HNRNPK: variants seen among roughly 807,000 people sequenced by gnomAD.
The protein encoded by HNRNPK is heterogeneous nuclear ribonucleoprotein K.
A neutral mutation model predicts 67.0 loss-of-function variants in HNRNPK; 7 were observed. The observed-to-expected ratio is 0.10, with a 90% CI of 0.06 to 0.20. The LOEUF is 0.20. Among genes scored for constraint, HNRNPK ranks in the 10% least tolerant of loss-of-function variants. The pLI, the probability that HNRNPK is intolerant of heterozygous loss-of-function variation, is 1.00. For synonymous variants in HNRNPK, 213 were observed against 193.7 expected, an observed-to-expected ratio of 1.10 and a Z score of -0.83; for missense variants, 264 against 606.5, an observed-to-expected ratio of 0.44 and a Z score of 5.93.
At chr9:83,974,683 G>A in intron 6 of HNRNPK, 94 bp from the exon 7 acceptor site, 5 of 756,172 alleles carry the variant, frequency 6.6e-6, no homozygotes, top group Non-Finnish European at 1.1e-5. Flanking sequence ...CTTTCACAGA[G>A]ATGTAACACA....
Position 83,971,687 on chromosome 9 carries a change from G to GTCTCCA in HNRNPK, c.987_992dup (p.Gly330_Asp331dup), listed in dbSNP as rs1956850991. The stretch of plus-strand genomic sequence containing the variant: ...AAGTTCTTACCATGCCGTCGTAACG[G>GTCTCCA]TCTCCAGGTCTCCCTCTTCTGTCAT... On this transcript the variant is annotated inframe_insertion, in exon 12 of 17. Coordinates refer to ENST00000376263, the MANE Select transcript of HNRNPK (RefSeq NM_031263.4). 1 of 1,613,664 alleles carries GTCTCCA rather than the reference G, an allele frequency of 6.2e-7. No individual in the cohort carries two copies. Among genetic ancestry groups the GTCTCCA allele is most frequent in the African/African-American group, 1.3e-5 (1 of 74,900 alleles).
At chr9:83,973,473 T>A in intron 8 of HNRNPK, 74 bp from the exon 9 acceptor site, 1 of 849,368 alleles carries the variant, frequency 1.2e-6, no homozygotes, top group Non-Finnish European at 2.0e-6. Flanking sequence ...GCTATAAGCA[T>A]AACAATAATA....
rs1247195870 is a variant in HNRNPK, at chr9:83,968,336, G to A, written c.*1071C>T. ...ATAATCCAACATACAACAGAGAAAT[G>A]GTACATCTTTTTCTTTCAATTTGCA... On this transcript the variant is annotated 3_prime_UTR_variant, in exon 17 of 17. Transcript: ENST00000376263. 7 of 151,274 alleles carry A rather than the reference G, an allele frequency of 4.6e-5. No homozygotes were observed. Among genetic ancestry groups the A allele is most frequent in the South Asian group, 2.1e-4 (1 of 4,776 alleles). 9.4% of individuals were successfully genotyped at this position (151,274 alleles called of 1,614,324 possible).
At chr9:83,970,528 G>T in intron 15 of HNRNPK, 197 bp from the exon 16 acceptor site, 1 of 640,328 alleles carries the variant, frequency 1.6e-6, no homozygotes, top group Non-Finnish European at 2.7e-6. Context: ...TTAGTTAAGG[G>T]CTCAAAACCT....
intron 16 of HNRNPK, 155 bp from the exon 17 acceptor site, chr9:83,969,595 T>C (rs193131307): frequency 1.1e-5 from 7 of 636,496 alleles, no homozygotes; most frequent in Non-Finnish European, 1.7e-5. Context: ...ATTAAAGCAA[T>C]GTTAAGTGTC....
chr9:83,970,671 A>T, intron 15 of HNRNPK, 66 bp downstream of exon 15: 1 of 1,078,650 alleles, frequency 9.3e-7, no homozygotes. Context: ...GAATTAAAAA[A>T]TATACAGAAA....
chr9:83,971,246 T>C (rs202103658), intron 13 of HNRNPK, 27 bp downstream of exon 13: 15 of 1,412,066 alleles, frequency 1.1e-5, no homozygotes, highest in South Asian at 2.3e-5. Context: ...ATCACTGATA[T>C]ACACACGAAC....
chr9:83,974,498 TA>T lies in HNRNPK; in HGVS notation c.330+18del, dbSNP rs565049217. 1.1e-3 allele frequency: 1,322 copies of T among 1,257,086 alleles called. 3 individuals are homozygous for T. Among genetic ancestry groups the T allele is most frequent in the South Asian group, 4.5e-3 (363 of 80,162 alleles). 77.9% of individuals were successfully genotyped at this position (1,257,086 alleles called of 1,614,324 possible). A position where few individuals can be genotyped will look rare whatever the true frequency, so the allele number is the denominator to read the frequency against. On this transcript the variant is annotated intron_variant, in intron 7 of 16. Transcript: ENST00000376263. The stretch of plus-strand genomic sequence containing the variant: ...CCCCCCTCATATTGTCAAATACATT[TA>T]AAAAAAAATGAGCCTACCTCTTCCA...
intron 11 of HNRNPK, 61 bp from the exon 12 acceptor site, chr9:83,971,787 A>C (rs1484511914): frequency 6.3e-6 from 10 of 1,597,678 alleles, no homozygotes; most frequent in East Asian, 2.2e-5. Flanking sequence ...ATCAAATCAA[A>C]GTCTACCTTG....
At chr9:83,976,955 T>C (rs757304174) in intron 5 of HNRNPK, 40 bp downstream of exon 5, 1 of 1,200,802 alleles carries the variant, frequency 8.3e-7, no homozygotes, top group South Asian at 1.3e-5. Flanking sequence ...ACATATAAAC[T>C]GAAGCTGCTC....
Position 83,970,309 on chromosome 9 carries a change from T to C in HNRNPK, c.1214A>G (p.Lys405Arg). The change falls in exon 16 of 17, where the codon AAA becomes AGA. Residue 405 changes from lysine (K) to arginine (R), a missense_variant. By Grantham distance (26) the Lys-to-Arg change is conservative (BLOSUM62 2). This residue lies in a region of HNRNPK where 24 missense variants were observed against 103.3 expected (regional missense o/e 0.23). Transcript: ENST00000376263. Reference sequence around the variant, plus strand: ...GATTTGTTTAATCCGCTGACCACCTTTGCCAATAATAGATCCAGCCAACTG... The same window carrying C: ...GATTTGTTTAATCCGCTGACCACCTCTGCCAATAATAGATCCAGCCAACTG... ...PKDLAGSIIGKGGQRIKQIRH... is the reference protein window; with the variant it reads ...PKDLAGSIIGRGGQRIKQIRH... 3 of 1,613,000 alleles carry C rather than the reference T, an allele frequency of 1.9e-6. No individual in the cohort carries two copies. Among genetic ancestry groups the C allele is most frequent in the Non-Finnish European group, 2.5e-6 (3 of 1,179,534 alleles).
chr9:83,972,244 T>C, intron 10 of HNRNPK, 55 bp from the exon 11 acceptor site: 1 of 1,296,454 alleles, frequency 7.7e-7, no homozygotes, highest in South Asian at 1.4e-5. Context: ...TCCTGCTTCA[T>C]ACCAATCCTT....
rs1221752718 is a variant in HNRNPK at position 83,968,293 on chromosome 9, TAC to T, written c.*1112_*1113del. 6.6e-6 allele frequency: 1 copy of T among 152,254 alleles called. No individual in the cohort carries two copies. The highest frequency in any genetic ancestry group is 2.4e-5 in the African/African-American group (1 of 41,348). The allele number at this position is 152,254 out of a possible 1,614,324, so 9.4% of individuals were successfully genotyped here. On this transcript the variant is annotated 3_prime_UTR_variant, in exon 17 of 17. Transcript: ENST00000376263. ...TTTCATCTTTTTTTTTTTTGAATTG[TAC>T]ACAAACATTTCCTACATAATCCAAC...
intron 13 of HNRNPK, 94 bp downstream of exon 13, chr9:83,971,179 G>A (rs200261723): frequency 4.3e-6 from 4 of 920,644 alleles, no homozygotes; most frequent in East Asian, 2.4e-5. Context: ...CCTATTTTCA[G>A]TAAGTATCCT....
At position 83,969,900 on chromosome 9, in the gene HNRNPK, A is replaced by T. The variant is rs758836595; in HGVS notation, c.1361+262T>A. 6.6e-5 allele frequency: 41 copies of T among 617,232 alleles called. No homozygotes were observed. The African/African-American group carries it at 7.4e-4, about 11-fold the overall frequency. 38.2% of individuals were successfully genotyped at this position (617,232 alleles called of 1,614,324 possible). On this transcript the variant is annotated intron_variant, in intron 16 of 16. Coordinates refer to ENST00000376263, the MANE Select transcript of HNRNPK (RefSeq NM_031263.4). The stretch of plus-strand genomic sequence containing the variant: ...CTACAGGCTCTGTACAATTTTTAAC[A>T]AGTGGTTTTGGCAGCAGTTTTCACC...
At chr9:83,974,690 C>T (rs918996953) in intron 6 of HNRNPK, 101 bp from the exon 7 acceptor site, 9 of 730,392 alleles carry the variant, frequency 1.2e-5, no homozygotes, top group Non-Finnish European at 2.3e-6. Flanking sequence ...AGAGATGTAA[C>T]ACATGATTAT....
chr9:83,970,351 G>C lies in HNRNPK; in HGVS notation c.1192-20C>G. The C allele has an allele frequency of 6.3e-7, 1 of 1,596,104 alleles. No homozygotes were observed. The highest frequency in any genetic ancestry group is 8.6e-7 in the Non-Finnish European group (1 of 1,168,078). On this transcript the variant is annotated intron_variant, in intron 15 of 16. Coordinates refer to ENST00000376263, the MANE Select transcript of HNRNPK (RefSeq NM_031263.4). ...AGCCAACTGAAAAGATTTTTTAAAA[G>C]TATGTGTTTACGATATACTTTTAAC...
At chr9:83,973,531 G>T in intron 8 of HNRNPK, 132 bp from the exon 9 acceptor site, 1 of 639,204 alleles carries the variant, frequency 1.6e-6, no homozygotes, top group Non-Finnish European at 2.8e-6. Context: ...AACTTTACCA[G>T]TTATGTGCTT....
Position 83,969,288 on chromosome 9 carries a change from CT to C in HNRNPK, c.*118del. On this transcript the variant is annotated 3_prime_UTR_variant, in exon 17 of 17. Transcript: ENST00000376263. ...CACCTATGAAGCAGAGGAATGTTGG[CT>C]TTTTAAACAGAAGCAGATAAAAAAA... The C allele has an allele frequency of 1.3e-6, 1 of 756,014 alleles. No homozygotes were observed. The highest frequency in any genetic ancestry group is 2.4e-6 in the Non-Finnish European group (1 of 421,954). The allele number at this position is 756,014 out of a possible 1,614,324, so 46.8% of individuals were successfully genotyped here. A position where few individuals can be genotyped will look rare whatever the true frequency, so the allele number is the denominator to read the frequency against.
Sources: allele counts gnomAD v4.1 joint callset, GRCh38; gene constraint gnomAD v4.1.1; regional missense constraint gnomAD v4.1.1; transcripts MANE v1.5; gene names NCBI Gene and HGNC (gene_info 2026-07-23, HGNC 2026-07-21).